The following VSTM4 variants were observed in gnomAD, a reference collection of about 807,000 sequenced individuals.
VSTM4 encodes V-set and transmembrane domain-containing protein 4.
In VSTM4, 20 loss-of-function variants were observed where a neutral mutation model predicts 36.4. The observed-to-expected ratio is 0.55, with a 90% CI of 0.39 to 0.80. The LOEUF is 0.80. VSTM4 is among the 30% of genes least tolerant of loss of function. VSTM4 has a pLI of 0.00. For missense variants in VSTM4, 392 were observed against 404.5 expected, an observed-to-expected ratio of 0.97 and a Z score of 0.26; for synonymous variants, 182 against 173.9, an observed-to-expected ratio of 1.05 and a Z score of -0.37.
chr10:49,091,193 C>T (rs1238298892), intron 2 of VSTM4, among the ~76,000 whole-genome samples: 1 of 152,192 alleles, frequency 6.6e-6, no homozygotes, highest in Non-Finnish European at 1.5e-5. Context: ...TGTCAGCTGA[C>T]CTACTGACTG....
intron 7 of VSTM4, among the ~76,000 whole-genome samples, chr10:49,042,689 G>A (rs1843540002): frequency 6.6e-6 from 1 of 152,184 alleles, no homozygotes; most frequent in South Asian, 2.1e-4. Flanking sequence ...CAACAGGGAG[G>A]GTGTGCAGAA....
At chr10:49,029,614 C>T (rs368259182) in intron 7 of VSTM4, among the ~76,000 whole-genome samples, 3 of 152,224 alleles carry the variant, frequency 2.0e-5, no homozygotes, top group African/African-American at 7.2e-5. Flanking sequence ...GATGTGAATG[C>T]CTTGTATCCA....
chr10:49,114,093 G>C (rs1408637520), intron 1 of VSTM4, among the ~76,000 whole-genome samples: 1 of 152,138 alleles, frequency 6.6e-6, no homozygotes, highest in African/African-American at 2.4e-5. Context: ...CAGAGACCAC[G>C]AGAACTGGCC....
chr10:49,030,517 T>G (rs1445377967), intron 7 of VSTM4, among the ~76,000 whole-genome samples: 2 of 152,196 alleles, frequency 1.3e-5, no homozygotes, highest in Non-Finnish European at 2.9e-5. Flanking sequence ...TGAGAGCCAG[T>G]CACCCAGCAT....
At chr10:49,046,850 G>C in intron 7 of VSTM4, 133 bp downstream of exon 7, 1 of 859,570 alleles carries the variant, frequency 1.2e-6, no homozygotes, top group Non-Finnish European at 1.9e-6. Flanking sequence ...TCTGAGAATA[G>C]AGAATGTTTT....
intron 2 of VSTM4, among the ~76,000 whole-genome samples, chr10:49,089,947 T>C (rs1159750205): frequency 5.3e-5 from 8 of 152,218 alleles, no homozygotes; most frequent in African/African-American, 1.9e-4. Flanking sequence ...ACTCCACAAA[T>C]ACTCTGCCCT....
intron 2 of VSTM4, among the ~76,000 whole-genome samples, chr10:49,099,242 G>A (rs921445985): frequency 4.6e-5 from 7 of 152,186 alleles, no homozygotes; most frequent in South Asian, 2.1e-4. Flanking sequence ...GCAAATGCAC[G>A]GCTGATTCGC....
chr10:49,097,643 A>G (rs1300378712), intron 2 of VSTM4, among the ~76,000 whole-genome samples: 1 of 152,244 alleles, frequency 6.6e-6, no homozygotes, highest in Non-Finnish European at 1.5e-5. Context: ...GGGTGGACAC[A>G]GTCTGTGCAA....
intron 4 of VSTM4, among the ~76,000 whole-genome samples, chr10:49,076,574 G>A (rs939412268): frequency 3.3e-5 from 5 of 152,196 alleles, no homozygotes; most frequent in Non-Finnish European, 7.3e-5. Context: ...GGAGCTGCTG[G>A]GCAAGTGAAA....
intron 2 of VSTM4, among the ~76,000 whole-genome samples, chr10:49,101,112 A>G (rs1030288313): frequency 6.6e-6 from 1 of 152,146 alleles, no homozygotes; most frequent in Non-Finnish European, 1.5e-5. Context: ...AGCTTGGGGC[A>G]GGGAATCCTT....
chr10:49,088,766 C>T (rs558419895), intron 2 of VSTM4, among the ~76,000 whole-genome samples: 22 of 152,372 alleles, frequency 1.4e-4, no homozygotes, highest in African/African-American at 5.3e-4. Flanking sequence ...ATGGCTTCAG[C>T]TAATCAAGCC....
intron 2 of VSTM4, chr10:49,103,959 T>A (rs1222703778): frequency 1.0e-5 from 10 of 997,450 alleles, no homozygotes; most frequent in Non-Finnish European, 1.5e-5. Flanking sequence ...TGTTTGATAT[T>A]CTAACCCAAA....
intron 7 of VSTM4, among the ~76,000 whole-genome samples, chr10:49,029,780 T>C (rs934574797): frequency 6.6e-6 from 1 of 152,060 alleles, no homozygotes; most frequent in Non-Finnish European, 1.5e-5. Flanking sequence ...AAAGGGGAAG[T>C]TGGGGGAGAA....
At chr10:49,069,395 G>C (rs1167799968) in intron 4 of VSTM4, among the ~76,000 whole-genome samples, 1 of 152,166 alleles carries the variant, frequency 6.6e-6, no homozygotes, top group African/African-American at 2.4e-5. Context: ...GCGTTGCAAG[G>C]GGTCACAGTA....
At position 49,045,020 on chromosome 10, in the gene VSTM4, G is replaced by C. The variant is rs573842829; in HGVS notation, c.837+1963C>G. Among the ~76,000 whole-genome samples, 4 of 152,308 alleles carry C rather than the reference G, an allele frequency of 2.6e-5. No individual in the cohort carries two copies. The South Asian group carries it at 8.3e-4, about 32-fold the overall frequency. On this transcript the variant is annotated intron_variant, in intron 7 of 7. Coordinates refer to ENST00000332853, the MANE Select transcript of VSTM4 (RefSeq NM_001031746.5). ...TCAAATGACAATCCTATGCAGTTAT[G>C]TTTGGGGCTCTTTATTCTGTTCCTT... is the stretch of plus-strand genomic sequence containing the variant.
intron 3 of VSTM4, among the ~76,000 whole-genome samples, chr10:49,085,080 A>G (rs780559972): frequency 2.0e-5 from 3 of 152,282 alleles, no homozygotes; most frequent in African/African-American, 4.8e-5. Flanking sequence ...CTGAATGTGC[A>G]TCAGAATTGC....
intron 5 of VSTM4, among the ~76,000 whole-genome samples, chr10:49,062,261 C>A (rs916650849): frequency 1.3e-5 from 2 of 152,174 alleles, no homozygotes; most frequent in Non-Finnish European, 2.9e-5. Flanking sequence ...ACCATATGTA[C>A]TCCTATTTCT....
intron 2 of VSTM4, among the ~76,000 whole-genome samples, chr10:49,086,983 G>A (rs761941203): frequency 8.5e-5 from 13 of 152,134 alleles, no homozygotes; most frequent in African/African-American, 3.1e-4. Context: ...CAAGAAATAC[G>A]GCAAAGATGG....
Position 49,077,160 on chromosome 10 carries a change from C to T in VSTM4, c.634+59G>A, listed in dbSNP as rs1305768279. 31 of 1,542,900 alleles carry T rather than the reference C, an allele frequency of 2.0e-5. No individual in the cohort carries two copies. In the East Asian group the frequency reaches 2.8e-4, roughly 14 times the overall value. ...AGGTGGTACTTTGTCTAGCATCTTC[C>T]GCCCGTCTGTGGTCGGGGTGTGCTC... On this transcript the variant is annotated intron_variant, in intron 4 of 7. Transcript: ENST00000332853.
Sources: allele counts gnomAD v4.1 joint callset (sites outside exome capture counted in the v4.1 genomes callset), GRCh38; gene constraint gnomAD v4.1.1; transcripts MANE v1.5; gene names NCBI Gene and HGNC (gene_info 2026-07-23, HGNC 2026-07-21).